Variants in C10orf90 observed in about 807,000 individuals in gnomAD.
The protein encoded by C10orf90 is chromosome 10 open reading frame 90.
A neutral mutation model predicts 62.5 loss-of-function variants in C10orf90; 56 were observed. The ratio of observed to expected loss-of-function variants is 0.90; its 90% CI spans 0.72 to 1.12. C10orf90 has a LOEUF of 1.12. Ranked by LOEUF, C10orf90 falls within the 50% of genes most tolerant of loss-of-function variation. The probability of loss-of-function intolerance (pLI) is 0.00; values close to 1 mark genes in which losing one functional copy is unlikely to be tolerated. For synonymous variants in C10orf90, 386 were observed against 340.4 expected, an observed-to-expected ratio of 1.13 and a Z score of -1.47; for missense variants, 970 against 880.4, an observed-to-expected ratio of 1.10 and a Z score of -1.29.
intron 7 of C10orf90, among the ~76,000 whole-genome samples, chr10:126,433,607 A>G (rs762107002): frequency 1.3e-5 from 2 of 152,214 alleles, no homozygotes; most frequent in African/African-American, 2.4e-5. Context: ...CCTGCACGCC[A>G]CCATCTTCCC....
At chr10:126,562,094 T>C (rs1285671855) in intron 2 of C10orf90, among the ~76,000 whole-genome samples, 2 of 152,210 alleles carry the variant, frequency 1.3e-5, no homozygotes, top group Non-Finnish European at 1.5e-5. Flanking sequence ...GGCGACAGGC[T>C]GCCCAGAGGC....
chr10:126,501,798 A>G (rs1862397820), intron 4 of C10orf90, among the ~76,000 whole-genome samples: 1 of 152,160 alleles, frequency 6.6e-6, no homozygotes, highest in Admixed American at 6.5e-5. Context: ...TATGATTCTA[A>G]GTGAAGTAAC....
intron 2 of C10orf90, among the ~76,000 whole-genome samples, chr10:126,548,745 CT>C (rs71486601): frequency 9.8e-4 from 140 of 142,554 alleles, no homozygotes; most frequent in Admixed American, 1.1e-3. Flanking sequence ...TATTACACAG[CT>C]TTTTTTTTTT....
At chr10:126,446,477 A>T (rs181775679) in intron 7 of C10orf90, among the ~76,000 whole-genome samples, 49 of 152,206 alleles carry the variant, frequency 3.2e-4, no homozygotes, top group African/African-American at 1.1e-3. Flanking sequence ...GAGTGGGATG[A>T]TATATTCAAA....
chr10:126,442,562 A>C (rs1179702226), intron 7 of C10orf90, among the ~76,000 whole-genome samples: 1 of 107,290 alleles, frequency 9.3e-6, no homozygotes, highest in African/African-American at 3.8e-5. Context: ...TTCTTTGTTG[A>C]CTTTCTGTCT....
In C10orf90 at chr10:126,454,522, A is replaced by G. The variant is rs1221546873; in HGVS notation, c.2188+4518T>C. On this transcript the variant is annotated intron_variant, in intron 7 of 9. Transcript: ENST00000488181. The stretch of plus-strand genomic sequence containing the variant: ...TGCAGGGGCTGACCCCGTACTGCCT[A>G]TAAGCTATGGTTTACCCCTACTACC... Among the ~76,000 whole-genome samples, 5 of 150,944 alleles carry G rather than the reference A, an allele frequency of 3.3e-5. No homozygotes were observed. In the East Asian group the frequency reaches 9.8e-4, roughly 30 times the overall value.
intron 7 of C10orf90, among the ~76,000 whole-genome samples, chr10:126,457,709 C>T (rs913257644): frequency 1.3e-5 from 2 of 152,330 alleles, no homozygotes; most frequent in African/African-American, 4.8e-5. Context: ...CATCACCCAA[C>T]ACTGCCCAGG....
At position 126,441,755 on chromosome 10, in the gene C10orf90, C is replaced by G. The variant is rs574263981; in HGVS notation, c.2189-11905G>C. Among the ~76,000 whole-genome samples the G allele has an allele frequency of 2.2e-4, 34 of 152,248 alleles. No individual in the cohort carries two copies. The South Asian group carries it at 4.6e-3, about 20-fold the overall frequency. ...CAGCCTCCTCAAATAAAACAATTATCAGCCAAGAATTTTGTATCAAGTGAA... is the reference window on the plus strand; with the variant it reads ...CAGCCTCCTCAAATAAAACAATTATGAGCCAAGAATTTTGTATCAAGTGAA... On this transcript the variant is annotated intron_variant, in intron 7 of 9. Coordinates refer to ENST00000488181, the MANE Select transcript of C10orf90 (RefSeq NM_001350921.2).
rs577534865 is a variant in C10orf90, at chr10:126,464,223, G to A, written c.1825+473C>T. Among the ~76,000 whole-genome samples the A allele has an allele frequency of 2.6e-5, 4 of 152,256 alleles. No individual in the cohort carries two copies. The South Asian group carries it at 8.3e-4, about 32-fold the overall frequency. ...TCTTCCTCTGTGGGAGGCTGAGTTT[G>A]GGACCTACTTTTTGGGCACGTGAGT... On this transcript the variant is annotated intron_variant, in intron 5 of 9. Transcript: ENST00000488181.
intron 2 of C10orf90, among the ~76,000 whole-genome samples, chr10:126,571,723 C>T (rs1197927279): frequency 6.6e-6 from 1 of 152,114 alleles, no homozygotes; most frequent in Admixed American, 6.5e-5. Flanking sequence ...CTTTCCCACT[C>T]ACCCTTCAGC....
chr10:126,504,792 C>A lies in C10orf90; in HGVS notation c.699G>T (p.Gly233=). The change falls in exon 4 of 10, where the codon GGG becomes GGT. Residue 233 remains glycine, a synonymous_variant. Coordinates refer to ENST00000488181, the MANE Select transcript of C10orf90 (RefSeq NM_001350921.2). This position sits in a 1 kb window ranked among gnomAD's most constrained non-coding sequence, Gnocchi z 4.1. ...TGGCCGTGATGGTGATGGATGCAAA[C>A]CCTCTGCGGGGGCCCCCACAGGGTC... is the stretch of plus-strand genomic sequence containing the variant. ...EERPCGGPRR[G]FASITITARR... is the part of the protein sequence containing the mutation. 6.3e-7 allele frequency: 1 copy of A among 1,586,282 alleles called. No homozygotes were observed. The highest frequency in any genetic ancestry group is 8.6e-7 in the Non-Finnish European group (1 of 1,165,758).
At chr10:126,517,436 CA>C (rs1383463017) in intron 2 of C10orf90, among the ~76,000 whole-genome samples, 4 of 152,196 alleles carry the variant, frequency 2.6e-5, no homozygotes, top group Admixed American at 6.5e-5. Context: ...AACTTAACTT[CA>C]CTGATTCCCA....
intron 2 of C10orf90, among the ~76,000 whole-genome samples, chr10:126,640,162 G>T (rs1380827795): frequency 1.3e-5 from 2 of 152,176 alleles, no homozygotes; most frequent in Non-Finnish European, 2.9e-5. Context: ...TTCCACCACC[G>T]CTGTGCACGG....
At chr10:126,445,060 A>G (rs1858665642) in intron 7 of C10orf90, among the ~76,000 whole-genome samples, 1 of 152,242 alleles carries the variant, frequency 6.6e-6, no homozygotes, top group African/African-American at 2.4e-5. Context: ...GAAACTGTAA[A>G]TATTCTAGAA....
chr10:126,594,958 G>A (rs931168604), intron 2 of C10orf90, among the ~76,000 whole-genome samples: 1 of 152,194 alleles, frequency 6.6e-6, no homozygotes, highest in Non-Finnish European at 1.5e-5. Flanking sequence ...TAAGGTGGAA[G>A]AGGAGAGACA....
At chr10:126,519,379 G>C (rs919482814) in intron 2 of C10orf90, among the ~76,000 whole-genome samples, 3 of 152,196 alleles carry the variant, frequency 2.0e-5, no homozygotes, top group African/African-American at 7.2e-5. Flanking sequence ...AAAAGTAGCA[G>C]ACAAGCACCA....
At chr10:126,556,136 G>A (rs1245671076) in intron 2 of C10orf90, among the ~76,000 whole-genome samples, 1 of 152,230 alleles carries the variant, frequency 6.6e-6, no homozygotes, top group Non-Finnish European at 1.5e-5. Flanking sequence ...ATGTGGTCAA[G>A]TTACACCAAT....
intron 1 of C10orf90, among the ~76,000 whole-genome samples, chr10:126,652,952 A>G (rs531446617): frequency 4.6e-5 from 7 of 152,312 alleles, no homozygotes; most frequent in African/African-American, 1.7e-4. Flanking sequence ...AACCACATGA[A>G]TTTTTTGGCT....
At chr10:126,530,958 G>T (rs925048468) in intron 2 of C10orf90, among the ~76,000 whole-genome samples, 1 of 152,114 alleles carries the variant, frequency 6.6e-6, no homozygotes, top group Admixed American at 6.5e-5. Flanking sequence ...TGGATCACTT[G>T]AGGCCAGGAG....
Sources: gnomAD v4.1 joint callset for allele counts (sites outside exome capture counted in the v4.1 genomes callset) on GRCh38, gnomAD v4.1.1 for gene constraint, Gnocchi (gnomAD v3.1) non-coding constraint, MANE v1.5 for transcripts, NCBI Gene and HGNC (gene_info 2026-07-23, HGNC 2026-07-21) for gene names.